Variants in RFT1 observed in about 807,000 individuals in gnomAD.
RFT1 encodes the protein man(5)GlcNAc(2)-PP-dolichol translocation protein RFT1.
RFT1 carries 43 observed loss-of-function variants against 62.2 expected under a neutral mutation model. The observed-to-expected ratio is 0.69, with a 90% CI of 0.54 to 0.89. The LOEUF (loss-of-function observed/expected upper bound fraction) is 0.89, where lower values mean the gene tolerates loss of function less well. RFT1 is among the 40% of genes least tolerant of loss of function. The pLI is 0.00. For missense variants in RFT1, 605 were observed against 649.9 expected (o/e 0.93, Z 0.75); for synonymous variants, 262 against 264.6 (o/e 0.99, Z 0.10).
At chr3:53,102,336 G>A (rs1160941672) in intron 10 of RFT1, among the ~76,000 whole-genome samples, 4 of 152,182 alleles carry the variant, frequency 2.6e-5, no homozygotes, top group Non-Finnish European at 4.4e-5. Flanking sequence ...TTAAAGCCAC[G>A]CAGTCTGTGG....
chr3:53,114,243 T>C (rs893279087), intron 6 of RFT1, among the ~76,000 whole-genome samples: 5 of 152,188 alleles, frequency 3.3e-5, no homozygotes, highest in Non-Finnish European at 7.4e-5. Flanking sequence ...AAGCAGGACC[T>C]GTCCCCTTTT....
chr3:53,078,477 A>G, the RFT1 span, among the ~76,000 whole-genome samples: 2 of 152,220 alleles, frequency 1.3e-5, no homozygotes, highest in Non-Finnish European at 2.9e-5. Context: ...GGCCAGGCAC[A>G]GTGGCTCACG....
At chr3:53,080,257 T>C in the RFT1 span, among the ~76,000 whole-genome samples, 55 of 152,302 alleles carry the variant, frequency 3.6e-4, no homozygotes, top group African/African-American at 1.3e-3. Context: ...GTGTGCGGAA[T>C]GTGTGTCTGA....
chr3:53,091,784 C>T lies in RFT1; in HGVS notation c.*119G>A. On this transcript the variant is annotated 3_prime_UTR_variant, in exon 13 of 13. Transcript: ENST00000296292. ...AGTGGCACTCTCTGGTGCCTCATCTCTGGGGTTGCTGTCACTCCGCTGCAG... is the reference window on the plus strand; with the variant it reads ...AGTGGCACTCTCTGGTGCCTCATCTTTGGGGTTGCTGTCACTCCGCTGCAG... 1.9e-6 allele frequency: 2 copies of T among 1,074,110 alleles called. No individual in the cohort carries two copies. The highest frequency in any genetic ancestry group is 1.4e-6 in the Non-Finnish European group (1 of 705,612). 66.5% of individuals were successfully genotyped at this position (1,074,110 alleles called of 1,614,324 possible).
At chr3:53,102,539 A>G (rs1482129027) in intron 10 of RFT1, among the ~76,000 whole-genome samples, 1 of 152,224 alleles carries the variant, frequency 6.6e-6, no homozygotes, top group Non-Finnish European at 1.5e-5. Flanking sequence ...AAAAAAGAAA[A>G]GAAAAGAAAA....
At chr3:53,098,193 G>A (rs1440137830) in intron 11 of RFT1, among the ~76,000 whole-genome samples, 1 of 152,190 alleles carries the variant, frequency 6.6e-6, no homozygotes, top group Non-Finnish European at 1.5e-5. Flanking sequence ...CCTAGAATCA[G>A]AATTGCCTAG....
intron 7 of RFT1, among the ~76,000 whole-genome samples, chr3:53,110,147 T>G (rs1184709822): frequency 6.6e-6 from 1 of 152,218 alleles, no homozygotes; most frequent in Non-Finnish European, 1.5e-5. Context: ...GGGCCATCAC[T>G]TGGACTGGAT....
At chr3:53,118,810 G>A (rs1243382319) in intron 6 of RFT1, among the ~76,000 whole-genome samples, 1 of 152,156 alleles carries the variant, frequency 6.6e-6, no homozygotes, top group Non-Finnish European at 1.5e-5. Flanking sequence ...TGGCCTGAGT[G>A]TGAAGGAATT....
chr3:53,068,988 G>A, the RFT1 span, among the ~76,000 whole-genome samples: 3 of 152,202 alleles, frequency 2.0e-5, no homozygotes, highest in African/African-American at 7.2e-5. Context: ...TGCCCAGGCT[G>A]GAGTGCAATG....
intron 6 of RFT1, among the ~76,000 whole-genome samples, chr3:53,117,099 G>C (rs1251830921): frequency 1.3e-5 from 2 of 152,166 alleles, no homozygotes. Flanking sequence ...ATGTGATTTT[G>C]GATTAGTCAC....
chr3:53,129,447 C>T (rs141595533), intron 1 of RFT1, among the ~76,000 whole-genome samples: 2 of 152,178 alleles, frequency 1.3e-5, no homozygotes, highest in African/African-American at 4.8e-5. Context: ...AAACTCAAGC[C>T]CCATTCTGCT....
At chr3:53,098,106 C>T (rs1332841535) in intron 11 of RFT1, among the ~76,000 whole-genome samples, 2 of 152,224 alleles carry the variant, frequency 1.3e-5, no homozygotes, top group Non-Finnish European at 2.9e-5. Flanking sequence ...GTCACACACA[C>T]CTAAGTGCGT....
chr3:53,080,123 C>A, the RFT1 span, among the ~76,000 whole-genome samples: 7 of 152,230 alleles, frequency 4.6e-5, no homozygotes, highest in Admixed American at 4.6e-4. Context: ...GACGCCAGGG[C>A]CCCATTTTCT....
At chr3:53,121,837 C>A (rs1237718259) in intron 4 of RFT1, 37 bp from the exon 5 acceptor site, 1 of 1,535,690 alleles carries the variant, frequency 6.5e-7, no homozygotes, top group Non-Finnish European at 9.0e-7. Flanking sequence ...TTACAAACAT[C>A]ATCAAAAAGT....
the RFT1 span, among the ~76,000 whole-genome samples, chr3:53,071,392 C>A: frequency 1.3e-5 from 2 of 152,096 alleles, no homozygotes; most frequent in Admixed American, 1.3e-4. Flanking sequence ...AGGTTGGTGC[C>A]CCAGATACTT....
intron 6 of RFT1, among the ~76,000 whole-genome samples, chr3:53,114,589 ATTCAGAATGGAGG>A (rs900737554): frequency 9.9e-5 from 15 of 152,108 alleles, no homozygotes; most frequent in Non-Finnish European, 1.6e-4. Flanking sequence ...TTACCATTCT[ATTCAGAATGGAGG>A]TTCAGAATGG....
At position 53,090,680 on chromosome 3, in the gene RFT1, C is replaced by A. The variant is rs1489764924; in HGVS notation, c.*1223G>T. The stretch of plus-strand genomic sequence containing the variant: ...AGGTGTAGACACAGAAGGTTTGGGG[C>A]ACTGAGTGACAGGATTATTAACATC... On this transcript the variant is annotated 3_prime_UTR_variant, in exon 13 of 13. Coordinates refer to ENST00000296292, the MANE Select transcript of RFT1 (RefSeq NM_052859.4). 6.6e-6 allele frequency: 1 copy of A among 152,184 alleles called. No individual in the cohort carries two copies. Among genetic ancestry groups the A allele is most frequent in the African/African-American group, 2.4e-5 (1 of 41,422 alleles). 9.4% of individuals were successfully genotyped at this position (152,184 alleles called of 1,614,324 possible).
At chr3:53,073,701 G>A in the RFT1 span, among the ~76,000 whole-genome samples, 69 of 152,312 alleles carry the variant, frequency 4.5e-4, 1 homozygote, top group East Asian at 8.9e-3. Flanking sequence ...TTGCCCTGGG[G>A]GCAACTGGCA....
the RFT1 span, among the ~76,000 whole-genome samples, chr3:53,072,014 A>C: frequency 6.6e-6 from 1 of 152,180 alleles, no homozygotes; most frequent in Non-Finnish European, 1.5e-5. Flanking sequence ...GGCATGCACC[A>C]TGGGTTCCTC....
Sources: allele counts gnomAD v4.1 joint callset (sites outside exome capture counted in the v4.1 genomes callset), GRCh38; gene constraint gnomAD v4.1.1; transcripts MANE v1.5; gene names NCBI Gene and HGNC (gene_info 2026-07-23, HGNC 2026-07-21).